Variants in DCAF16 observed in about 807,000 individuals in gnomAD.
DCAF16 encodes the protein DDB1 and CUL4 associated factor 16.
In DCAF16, 10 loss-of-function variants were observed where a neutral mutation model predicts 17.3. The observed-to-expected ratio is 0.58, with a 90% CI of 0.36 to 0.98. DCAF16 has a LOEUF of 0.98. Among genes scored for constraint, DCAF16 ranks in the 50% least tolerant of loss-of-function variants. The pLI is 0.01. For missense variants in DCAF16, 249 were observed against 247.6 expected, an observed-to-expected ratio of 1.01 and a Z score of -0.04; for synonymous variants, 111 against 92.8, an observed-to-expected ratio of 1.20 and a Z score of -1.12.
rs1719775216 is a variant in DCAF16, at chr4:17,801,453, T to C, written c.*2038A>G. On this transcript the variant is annotated 3_prime_UTR_variant, in exon 3 of 3. Transcript: ENST00000382247. ...CCTGCTTCAATTTTTTGATGCCACT[T>C]TGTAAACGGCACTTAATTATGGAAA... 6.6e-6 allele frequency: 1 copy of C among 152,060 alleles called. No individual in the cohort carries two copies. The highest frequency in any genetic ancestry group is 1.5e-5 in the Non-Finnish European group (1 of 68,012). 9.4% of individuals were successfully genotyped at this position (152,060 alleles called of 1,614,324 possible). A position where few individuals can be genotyped will look rare whatever the true frequency, so the allele number is the denominator to read the frequency against.
Position 17,803,360 on chromosome 4 carries a change from G to T in DCAF16, c.*131C>A. ...CATTTTATCCACAGGGTTTGTCAAA[G>T]GGTATCCTCATTGGCTTGCCAGGGC... On this transcript the variant is annotated 3_prime_UTR_variant, in exon 3 of 3. Coordinates refer to ENST00000382247, the MANE Select transcript of DCAF16 (RefSeq NM_017741.4). 1 of 849,652 alleles carries T rather than the reference G, an allele frequency of 1.2e-6. No individual in the cohort carries two copies. The highest frequency in any genetic ancestry group is 2.5e-5 in the East Asian group (1 of 40,612). The allele number at this position is 849,652 out of a possible 1,614,324, so 52.6% of individuals were successfully genotyped here. A position where few individuals can be genotyped will look rare whatever the true frequency, so the allele number is the denominator to read the frequency against.
downstream of DCAF16, among the ~76,000 whole-genome samples, chr4:17,795,991 A>C (rs1443130868): frequency 6.6e-6 from 1 of 152,114 alleles, no homozygotes; most frequent in East Asian, 1.9e-4. Context: ...GGAGGCTCAT[A>C]ATGTTCAGAA....
downstream of DCAF16, among the ~76,000 whole-genome samples, chr4:17,795,782 C>G (rs1719400698): frequency 6.6e-6 from 1 of 152,132 alleles, no homozygotes; most frequent in Non-Finnish European, 1.5e-5. Flanking sequence ...TCTAGTGATC[C>G]TTGGCTATCT....
At position 17,800,699 on chromosome 4, in the gene DCAF16, G is replaced by A. The variant is rs1719679733; in HGVS notation, c.*2792C>T. On this transcript the variant is annotated 3_prime_UTR_variant, in exon 3 of 3. Coordinates refer to ENST00000382247, the MANE Select transcript of DCAF16 (RefSeq NM_017741.4). Reference sequence around the variant, plus strand: ...TTGGTTTATTCAGCTGCCAAGCTGGGGAAAGGCTTCCTTTCGAAGTGAATA... The same window carrying A: ...TTGGTTTATTCAGCTGCCAAGCTGGAGAAAGGCTTCCTTTCGAAGTGAATA... 2.0e-5 allele frequency: 3 copies of A among 152,604 alleles called. No homozygotes were observed. The South Asian group carries it at 6.2e-4, about 32-fold the overall frequency. 9.5% of individuals were successfully genotyped at this position (152,604 alleles called of 1,614,324 possible).
At chr4:17,808,713 G>C (rs1254981858) in intron 1 of DCAF16, among the ~76,000 whole-genome samples, 1 of 152,136 alleles carries the variant, frequency 6.6e-6, no homozygotes, top group African/African-American at 2.4e-5. Flanking sequence ...CTCTGTTGGT[G>C]AGACAGCCAA....
Position 17,803,539 on chromosome 4 carries a change from G to GT in DCAF16, c.602dup (p.Tyr201Ter), listed in dbSNP as rs1560209948. ...RTEPINTTYS[Y>*]TDFQKAVNKL... Reference sequence around the variant, plus strand: ...TGTTAACTGCCTTTTGGAAGTCAGTGTAAGAATAAGTAGTGTTGATGGGTT... The same window carrying GT: ...TGTTAACTGCCTTTTGGAAGTCAGTGTTAAGAATAAGTAGTGTTGATGGGTT... The change falls in exon 3 of 3, where the codon TAC (tyrosine) becomes TAAC (stop). Residue 201 changes from tyrosine to a stop codon, truncating the protein, a stop_gained and frameshift_variant. Transcript: ENST00000382247. LOFTEE classifies it high-confidence loss of function. 1 of 1,614,070 alleles carries GT rather than the reference G, an allele frequency of 6.2e-7. No individual in the cohort carries two copies. The highest frequency in any genetic ancestry group is 1.7e-5 in the Admixed American group (1 of 60,000).
rs995219362 is a variant in DCAF16 at position 17,802,592 on chromosome 4, T to C, written c.*899A>G. 1 of 145,972 alleles carries C rather than the reference T, an allele frequency of 6.9e-6. No homozygotes were observed. Among genetic ancestry groups the C allele is most frequent in the Non-Finnish European group, 1.5e-5 (1 of 66,990 alleles). The allele number at this position is 145,972 out of a possible 1,614,324, so 9.0% of individuals were successfully genotyped here. ...ATAAAAGCTGGGAAAGAAATTCATA[T>C]CCCTGCCATTTTCCTTTGTGTAGTT... On this transcript the variant is annotated 3_prime_UTR_variant, in exon 3 of 3. Transcript: ENST00000382247.
chr4:17,794,399 A>AAATT, the DCAF16 span, among the ~76,000 whole-genome samples: 1 of 152,150 alleles, frequency 6.6e-6, no homozygotes, highest in African/African-American at 2.4e-5. Flanking sequence ...GTCAGGTGTG[A>AAATT]AATTCTCCAT....
chr4:17,808,282 A>C (rs1720510752), intron 1 of DCAF16, among the ~76,000 whole-genome samples: 1 of 152,228 alleles, frequency 6.6e-6, no homozygotes, highest in South Asian at 2.1e-4. Context: ...AGTCTTTATT[A>C]ACTGAGACAG....
Position 17,803,781 on chromosome 4 carries a change from C to T in DCAF16, c.361G>A (p.Val121Ile). ...PEWPPLASCG[V>I]PPFQKPLTSP... ...GTAAGAGGCTTTTGAAAAGGTGGGA[C>T]TCCACAAGAGGCCAGAGGGGGCCAT... is the stretch of plus-strand genomic sequence containing the variant. The change falls in exon 3 of 3, where the codon GTC (valine) becomes ATC (isoleucine). Residue 121 changes from valine (V) to isoleucine (I), a missense_variant. By Grantham distance (29) the Val-to-Ile change is conservative (BLOSUM62 3). Coordinates refer to ENST00000382247, the MANE Select transcript of DCAF16 (RefSeq NM_017741.4). 3 of 1,614,134 alleles carry T rather than the reference C, an allele frequency of 1.9e-6. No individual in the cohort carries two copies. Among genetic ancestry groups the T allele is most frequent in the Non-Finnish European group, 2.5e-6 (3 of 1,180,036 alleles).
At chr4:17,809,904 G>C (rs572668071) in intron 1 of DCAF16, among the ~76,000 whole-genome samples, 1 of 152,242 alleles carries the variant, frequency 6.6e-6, no homozygotes, top group Admixed American at 6.5e-5. Context: ...ATGCAGATAA[G>C]ATCTCCCAGG....
the DCAF16 span, among the ~76,000 whole-genome samples, chr4:17,794,411 T>C: frequency 6.6e-6 from 1 of 152,198 alleles, no homozygotes; most frequent in Admixed American, 6.5e-5. Flanking sequence ...ATTCTCCATT[T>C]GTGCTGTCAT....
At position 17,801,520 on chromosome 4, in the gene DCAF16, A is replaced by G. The variant is rs1045141966; in HGVS notation, c.*1971T>C. 8 of 152,318 alleles carry G rather than the reference A, an allele frequency of 5.3e-5. No homozygotes were observed. Among genetic ancestry groups the G allele is most frequent in the African/African-American group, 1.2e-4 (5 of 41,574 alleles). 9.4% of individuals were successfully genotyped at this position (152,318 alleles called of 1,614,324 possible). ...CTAAAATAAGGAAGAGGATATATAT[A>G]TAACTTTTCACAATCTCTTTTCTGA... On this transcript the variant is annotated 3_prime_UTR_variant, in exon 3 of 3. Coordinates refer to ENST00000382247, the MANE Select transcript of DCAF16 (RefSeq NM_017741.4).
rs769926784 is a variant in DCAF16, at chr4:17,803,638, C to T, written c.504G>A (p.Gln168=). Residue 168 remains glutamine (Q), a synonymous_variant, in exon 3 of 3, where the codon CAG becomes CAA. Coordinates refer to ENST00000382247, the MANE Select transcript of DCAF16 (RefSeq NM_017741.4). Reference sequence around the variant, plus strand: ...ACCCAGAAACACATGAATTAGGGATCTGTTTTAGGTATTCAGGTATGGGAG... The same window carrying T: ...ACCCAGAAACACATGAATTAGGGATTTGTTTTAGGTATTCAGGTATGGGAG... ...RATPIPEYLK[Q]IPNSCVSGCC... is the part of the protein sequence containing the mutation. 4 of 1,614,156 alleles carry T rather than the reference C, an allele frequency of 2.5e-6. No individual in the cohort carries two copies. Among genetic ancestry groups the T allele is most frequent in the Non-Finnish European group, 3.4e-6 (4 of 1,180,044 alleles).
chr4:17,806,714 T>C (rs80066028), intron 1 of DCAF16, among the ~76,000 whole-genome samples: 17,834 of 152,186 alleles, frequency 0.12, 1,170 homozygotes, highest in South Asian at 0.24. Flanking sequence ...AGAATAAAAT[T>C]CCACATATAG....
rs554044544 is a variant in DCAF16 at position 17,809,175 on chromosome 4, T to C, written c.-750+1272A>G. On this transcript the variant is annotated intron_variant, in intron 1 of 2. Transcript: ENST00000382247. ...GAATGGATAAGGTATGGCATATTAATACAATGGAGTACTATAGCAACCTGT... is the reference window on the plus strand; with the variant it reads ...GAATGGATAAGGTATGGCATATTAACACAATGGAGTACTATAGCAACCTGT... 3.3e-5 allele frequency among the ~76,000 whole-genome samples: 5 copies of C among 152,328 alleles called. No individual in the cohort carries two copies. In the East Asian group the frequency reaches 9.6e-4, roughly 29 times the overall value.
chr4:17,808,588 G>A (rs1720537271), intron 1 of DCAF16, among the ~76,000 whole-genome samples: 1 of 151,146 alleles, frequency 6.6e-6, no homozygotes, highest in Non-Finnish European at 1.5e-5. Context: ...TACCCCCATG[G>A]CTTTAACCAT....
downstream of DCAF16, among the ~76,000 whole-genome samples, chr4:17,795,710 C>A (rs1403205814): frequency 6.6e-6 from 1 of 152,134 alleles, no homozygotes. Flanking sequence ...GCAGTATATT[C>A]CTTTCTGAGA....
At chr4:17,800,561 T>C (rs1182959881), downstream of DCAF16, 3 of 152,602 alleles carry the variant, frequency 2.0e-5, no homozygotes, top group African/African-American at 7.2e-5. Context: ...AGGTACTGTA[T>C]CTATTAACTC....
Sources: gnomAD v4.1 joint callset for allele counts (sites outside exome capture counted in the v4.1 genomes callset) on GRCh38, gnomAD v4.1.1 for gene constraint, MANE v1.5 for transcripts, NCBI Gene and HGNC (gene_info 2026-07-23, HGNC 2026-07-21) for gene names.